Variants in ISM2 observed in about 807,000 individuals in gnomAD.
ISM2 encodes the protein isthmin 2.
In ISM2, 50 loss-of-function variants were observed where a neutral mutation model predicts 58.0. That is an observed-to-expected ratio of 0.86 (90% CI 0.69 to 1.09). ISM2 has a LOEUF of 1.09. ISM2 is among the 50% of genes least tolerant of loss of function. ISM2 has a pLI of 0.00. For synonymous variants in ISM2, 303 were observed against 312.4 expected, an observed-to-expected ratio of 0.97 and a Z score of 0.32; for missense variants, 723 against 745.0, an observed-to-expected ratio of 0.97 and a Z score of 0.34.
At chr14:77,488,891 G>C (rs1395131138) in intron 1 of ISM2, among the ~76,000 whole-genome samples, 1 of 152,142 alleles carries the variant, frequency 6.6e-6, no homozygotes, top group Non-Finnish European at 1.5e-5. Flanking sequence ...AAGAACTCCA[G>C]TCCTGTCTCA....
chr14:77,497,367 CAAAAAAA>C (rs35676781), intron 1 of ISM2, among the ~76,000 whole-genome samples: 3 of 64,786 alleles, frequency 4.6e-5, no homozygotes, highest in Non-Finnish European at 5.2e-5. Context: ...GGCTCTGTCT[CAAAAAAA>C]AAAAAAAAAA....
intron 1 of ISM2, among the ~76,000 whole-genome samples, chr14:77,490,834 C>G (rs1049533858): frequency 9.2e-5 from 14 of 152,194 alleles, no homozygotes; most frequent in African/African-American, 3.1e-4. Flanking sequence ...TTCTCTCTCT[C>G]CCTCCCTGGG....
chr14:77,490,674 G>A (rs2139969539), intron 1 of ISM2, among the ~76,000 whole-genome samples: 1 of 152,324 alleles, frequency 6.6e-6, no homozygotes, highest in East Asian at 1.9e-4. Flanking sequence ...TGCTGAATGT[G>A]CTGGATGAAC....
chr14:77,494,055 G>A (rs897391978), intron 1 of ISM2, among the ~76,000 whole-genome samples: 1 of 152,170 alleles, frequency 6.6e-6, no homozygotes, highest in Admixed American at 6.5e-5. Context: ...GGGATTACAG[G>A]CGTGAGCCAC....
chr14:77,480,566 T>C (rs1301023701), intron 4 of ISM2, among the ~76,000 whole-genome samples: 1 of 143,882 alleles, frequency 7.0e-6, no homozygotes, highest in Non-Finnish European at 1.5e-5. Flanking sequence ...TTTTTTTTTT[T>C]TTTTTTTTAG....
chr14:77,484,180 G>C (rs1470460534), intron 3 of ISM2, 143 bp downstream of exon 3: 3 of 1,060,822 alleles, frequency 2.8e-6, no homozygotes, highest in South Asian at 3.1e-5. Flanking sequence ...ACCACAGGGA[G>C]AGCATGGGGA....
chr14:77,487,524 T>C (rs78927259), intron 1 of ISM2, among the ~76,000 whole-genome samples: 1,859 of 152,260 alleles, frequency 0.012, 34 homozygotes, highest in African/African-American at 0.042. Context: ...AGTCAGACCA[T>C]AGGGTGGGCA....
chr14:77,492,518 T>A (rs930448169), intron 1 of ISM2, among the ~76,000 whole-genome samples: 10 of 4,556 alleles, frequency 2.2e-3, no homozygotes, highest in African/African-American at 3.4e-3. Context: ...GCCCCAGCCT[T>A]TTTTTTTTTT....
Position 77,482,589 on chromosome 14 carries a change from G to A in ISM2, c.706C>T (p.Gln236Ter). The A allele has an allele frequency of 6.2e-7, 1 of 1,611,856 alleles. No homozygotes were observed. ...LLAEPSNPPPQDTLSWLPALW... is the reference protein window; with the variant it reads ...LLAEPSNPPP ...GCGGGCAGCCAGCTAAGGGTATCCT[G>A]GGGCGGGGGATTGCTGGGCTCAGCC... is the stretch of plus-strand genomic sequence containing the variant. The change falls in exon 4 of 7, where the codon CAG (glutamine) becomes TAG (stop). Residue 236 changes from glutamine to a stop codon, truncating the protein, a stop_gained. Coordinates refer to ENST00000342219, the MANE Select transcript of ISM2 (RefSeq NM_199296.3). LOFTEE classifies it high-confidence loss of function.
At chr14:77,495,292 A>C (rs2079232180) in intron 1 of ISM2, among the ~76,000 whole-genome samples, 1 of 152,234 alleles carries the variant, frequency 6.6e-6, no homozygotes, top group Non-Finnish European at 1.5e-5. Flanking sequence ...CTGCTTTTTC[A>C]TTGTGGCACT....
Position 77,475,384 on chromosome 14 carries a change from C to T in ISM2, c.*211G>A, listed in dbSNP as rs569742683. 2 of 475,436 alleles carry T rather than the reference C, an allele frequency of 4.2e-6. No homozygotes were observed. The highest frequency in any genetic ancestry group is 8.7e-5 in the South Asian group (2 of 22,906). 29.5% of individuals were successfully genotyped at this position (475,436 alleles called of 1,614,324 possible). A position where few individuals can be genotyped will look rare whatever the true frequency, so the allele number is the denominator to read the frequency against. On this transcript the variant is annotated 3_prime_UTR_variant, in exon 7 of 7. Transcript: ENST00000342219. This position sits in a 1 kb window ranked among gnomAD's most constrained non-coding sequence, Gnocchi z 4.1. ...TCCAGGGCTCCCAGGGACACCCACC[C>T]TGGGCCCTACATACCCTTCAACCTT...
At chr14:77,487,607 G>T (rs527703978) in intron 1 of ISM2, among the ~76,000 whole-genome samples, 1 of 152,358 alleles carries the variant, frequency 6.6e-6, no homozygotes, top group East Asian at 1.9e-4. Flanking sequence ...GCTCTTGGGA[G>T]TCTCCCTCTC....
intron 3 of ISM2, among the ~76,000 whole-genome samples, chr14:77,483,451 G>A (rs780773958): frequency 2.0e-5 from 3 of 151,734 alleles, no homozygotes; most frequent in Admixed American, 6.6e-5. Flanking sequence ...GGGAGCCTGA[G>A]GCAGGAAAAT....
chr14:77,497,828 A>AAGGG (rs2079257284), intron 1 of ISM2, among the ~76,000 whole-genome samples: 2 of 145,994 alleles, frequency 1.4e-5, no homozygotes, highest in Non-Finnish European at 3.0e-5. Context: ...GGAAGGAAGG[A>AAGGG]AGGAAAAACG....
chr14:77,482,223 A>C, intron 4 of ISM2, 99 bp downstream of exon 4: 1 of 831,160 alleles, frequency 1.2e-6, no homozygotes, highest in Non-Finnish European at 1.9e-6. Context: ...GGCTTCCTCA[A>C]TGGTCTTGCC....
rs12431905 is a variant in ISM2, at chr14:77,498,751, G to C, written c.43C>G (p.Leu15Val). The stretch of plus-strand genomic sequence containing the variant: ...GCCTCCAGCAGCGCCGCCAGCAGCA[G>C]CACGCAGAGGAGGAGCCCGGCTCGG... ...RDRAGLLLCV[L>V]LLAALLEAAL... is the part of the protein sequence containing the mutation. Residue 15 changes from leucine to valine, a missense_variant, in exon 1 of 7, where the codon CTG (leucine) becomes GTG (valine). Physicochemically the swap from Leu to Val is conservative, Grantham distance 32 (BLOSUM62 1). Coordinates refer to ENST00000342219, the MANE Select transcript of ISM2 (RefSeq NM_199296.3). 1.4e-6 allele frequency: 2 copies of C among 1,480,416 alleles called. No individual in the cohort carries two copies. Among genetic ancestry groups the C allele is most frequent in the East Asian group, 5.9e-5 (2 of 33,932 alleles). The allele number at this position is 1,480,416 out of a possible 1,614,324, so 91.7% of individuals were successfully genotyped here. A position where few individuals can be genotyped will look rare whatever the true frequency, so the allele number is the denominator to read the frequency against.
At chr14:77,485,013 G>C in intron 1 of ISM2, 94 bp from the exon 2 acceptor site, 1 of 1,320,344 alleles carries the variant, frequency 7.6e-7, no homozygotes, top group Non-Finnish European at 1.0e-6. Context: ...GAGCCCTGGG[G>C]TCTGACCGGG....
chr14:77,483,547 CAAAAAAAAAA>C (rs5809837), intron 3 of ISM2, among the ~76,000 whole-genome samples: 116 of 112,014 alleles, frequency 1.0e-3, no homozygotes, highest in Non-Finnish European at 1.6e-3. Context: ...GACTCCATCT[CAAAAAAAAAA>C]AAAAAGAAAG....
At position 77,498,743 on chromosome 14, in the gene ISM2, C is replaced by T; in HGVS notation, c.51G>A (p.Leu17=). 6.7e-7 allele frequency: 1 copy of T among 1,481,522 alleles called. No homozygotes were observed. Among genetic ancestry groups the T allele is most frequent in the Non-Finnish European group, 8.9e-7 (1 of 1,124,594 alleles). 91.8% of individuals were successfully genotyped at this position (1,481,522 alleles called of 1,614,324 possible). Residue 17 remains leucine (L), a synonymous_variant, in exon 1 of 7, where the codon CTG becomes CTA. Coordinates refer to ENST00000342219, the MANE Select transcript of ISM2 (RefSeq NM_199296.3). ...CTAGCGCCGCCTCCAGCAGCGCCGC[C>T]AGCAGCAGCACGCAGAGGAGGAGCC... The part of the protein sequence containing the change: ...RAGLLLCVLL[L]AALLEAALGL...
Sources: gnomAD v4.1 joint callset for allele counts (sites outside exome capture counted in the v4.1 genomes callset) on GRCh38, gnomAD v4.1.1 for gene constraint, Gnocchi (gnomAD v3.1) non-coding constraint, MANE v1.5 for transcripts, NCBI Gene and HGNC (gene_info 2026-07-23, HGNC 2026-07-21) for gene names.